FSTL4: variants seen among roughly 807,000 people sequenced by gnomAD.
FSTL4 encodes follistatin like 4.
A neutral mutation model predicts 78.2 loss-of-function variants in FSTL4; 28 were observed. That is an observed-to-expected ratio of 0.36 (90% CI 0.27 to 0.49). FSTL4 has a LOEUF of 0.49. Among genes scored for constraint, FSTL4 ranks in the 20% least tolerant of loss-of-function variants. The pLI is 0.98. For synonymous variants in FSTL4, 422 were observed against 440.5 expected (o/e 0.96, Z 0.53); for missense variants, 922 against 1,084.9 (o/e 0.85, Z 2.11).
intron 6 of FSTL4, among the ~76,000 whole-genome samples, chr5:133,304,711 A>T (rs1228105678): frequency 6.6e-6 from 1 of 152,210 alleles, no homozygotes; most frequent in Admixed American, 6.5e-5. Context: ...AACGATTGAG[A>T]TGGGAAAGGG....
At chr5:133,397,707 C>A (rs1756097348) in intron 4 of FSTL4, among the ~76,000 whole-genome samples, 1 of 152,198 alleles carries the variant, frequency 6.6e-6, no homozygotes, top group African/African-American at 2.4e-5. Flanking sequence ...CTTAGCCCAG[C>A]ACAACCCATC....
intron 6 of FSTL4, among the ~76,000 whole-genome samples, chr5:133,284,639 G>A (rs1038979845): frequency 2.6e-5 from 4 of 152,112 alleles, no homozygotes; most frequent in Non-Finnish European, 5.9e-5. Flanking sequence ...TTGGACACTC[G>A]CTCTTTTTCT....
chr5:133,831,257 G>C, the FSTL4 span, among the ~76,000 whole-genome samples: 3 of 152,182 alleles, frequency 2.0e-5, no homozygotes, highest in African/African-American at 7.2e-5. Flanking sequence ...CTCTCAAACA[G>C]CAAGGTGCAT....
intron 3 of FSTL4, among the ~76,000 whole-genome samples, chr5:133,404,587 T>G (rs1756311591): frequency 1.3e-5 from 2 of 152,204 alleles, no homozygotes; most frequent in Admixed American, 6.5e-5. Context: ...TACCAGTTGG[T>G]GCTGAAGACT....
In FSTL4 at chr5:133,199,514, C is replaced by T; in HGVS notation, c.2110G>A (p.Ala704Thr). ...TGCAGCCAGGGGCTGTCAGCTGCAG[C>T]ACTGACTATGAAGCGCCCGTCGGGG... is the stretch of plus-strand genomic sequence containing the variant. ...TSPDGRFIVS[A>T]AADSPWLHVQ... Residue 704 changes from alanine to threonine, a missense_variant, in exon 16 of 16, where the codon GCT becomes ACT. By Grantham distance (58) the Ala-to-Thr change is moderately conservative. Transcript: ENST00000265342. This position sits in a 1 kb window ranked among gnomAD's most constrained non-coding sequence, Gnocchi z 4.4. 6.2e-7 allele frequency: 1 copy of T among 1,614,204 alleles called. No individual in the cohort carries two copies. The highest frequency in any genetic ancestry group is 8.5e-7 in the Non-Finnish European group (1 of 1,180,008).
intron 4 of FSTL4, among the ~76,000 whole-genome samples, chr5:133,372,312 G>T (rs1755329263): frequency 7.0e-6 from 1 of 143,612 alleles, no homozygotes; most frequent in Admixed American, 7.0e-5. Context: ...TTGTCCTGTG[G>T]AATAAAGTTT....
the FSTL4 span, among the ~76,000 whole-genome samples, chr5:133,784,098 T>C: frequency 6.6e-6 from 1 of 152,136 alleles, no homozygotes; most frequent in Non-Finnish European, 1.5e-5. Flanking sequence ...AATGGGAGGA[T>C]ACGTACAGGG....
intron 3 of FSTL4, among the ~76,000 whole-genome samples, chr5:133,442,821 A>G (rs1384884915): frequency 1.3e-5 from 2 of 152,220 alleles, no homozygotes; most frequent in Non-Finnish European, 2.9e-5. Flanking sequence ...CAACTGACCC[A>G]ACACCATTAG....
chr5:133,556,855 T>C (rs1048152585), intron 3 of FSTL4, among the ~76,000 whole-genome samples: 1 of 152,182 alleles, frequency 6.6e-6, no homozygotes, highest in East Asian at 1.9e-4. Context: ...ACAAACATCA[T>C]CAAGGAAAGG....
At chr5:133,205,604 C>T (rs1245532502) in intron 14 of FSTL4, among the ~76,000 whole-genome samples, 1 of 152,188 alleles carries the variant, frequency 6.6e-6, no homozygotes, top group Non-Finnish European at 1.5e-5. Flanking sequence ...CATGTGGTTT[C>T]AATGCGCTTT....
chr5:133,543,662 T>C (rs1384240270), intron 3 of FSTL4, among the ~76,000 whole-genome samples: 3 of 152,158 alleles, frequency 2.0e-5, no homozygotes, highest in Non-Finnish European at 4.4e-5. Context: ...TTTTCAGCCT[T>C]TATCCTTGTA....
At chr5:133,788,598 G>A in the FSTL4 span, among the ~76,000 whole-genome samples, 1 of 152,208 alleles carries the variant, frequency 6.6e-6, no homozygotes, top group Non-Finnish European at 1.5e-5. Context: ...TCTCTGAGCA[G>A]AGGCCAAATA....
At chr5:133,274,380 C>CT (rs59634629) in intron 6 of FSTL4, among the ~76,000 whole-genome samples, 7 of 71,030 alleles carry the variant, frequency 9.9e-5, no homozygotes, top group African/African-American at 2.3e-4. Context: ...GCAATCTGTG[C>CT]TTTTTTTTTT....
chr5:133,379,864 C>A (rs1345010172), intron 4 of FSTL4, among the ~76,000 whole-genome samples: 2 of 152,068 alleles, frequency 1.3e-5, no homozygotes, highest in Admixed American at 1.3e-4. Flanking sequence ...ATCACAAGGT[C>A]AAGAGATCGA....
the FSTL4 span, among the ~76,000 whole-genome samples, chr5:133,703,470 A>C: frequency 6.6e-6 from 1 of 152,202 alleles, no homozygotes; most frequent in South Asian, 2.1e-4. Flanking sequence ...TGCCAAATGC[A>C]TACCCATCTG....
At chr5:133,353,209 A>G (rs1057033612) in intron 4 of FSTL4, among the ~76,000 whole-genome samples, 11 of 152,216 alleles carry the variant, frequency 7.2e-5, no homozygotes, top group Non-Finnish European at 1.5e-4. Flanking sequence ...CCACCCCTTC[A>G]ATAAAGACAG....
At chr5:133,770,152 T>C in the FSTL4 span, among the ~76,000 whole-genome samples, 4 of 152,146 alleles carry the variant, frequency 2.6e-5, no homozygotes, top group Non-Finnish European at 5.9e-5. Flanking sequence ...ACACTTAAGT[T>C]GATTCCATAT....
rs59400068 is a variant in FSTL4 at position 133,221,891 on chromosome 5, GTTTTTTTTTTTTTTTTTT to G, written c.1340-1043_1340-1026del. Among the ~76,000 whole-genome samples, 56 of 43,356 alleles carry G rather than the reference GTTTTTTTTTTTTTTTTTT, an allele frequency of 1.3e-3. No homozygotes were observed. In the South Asian group the frequency reaches 0.044, roughly 34 times the overall value. 28.4% of individuals were successfully genotyped at this position (43,356 alleles called of 152,430 possible). Reference sequence around the variant, plus strand: ...AATATGTAGAAAAATCTCTTTTCTAGTTTTTTTTTTTTTTTTTTTTTTTTTTTTTTTTTTTTAGCATGC... The same window carrying G: ...AATATGTAGAAAAATCTCTTTTCTAGTTTTTTTTTTTTTTTTTTAGCATGC... On this transcript the variant is annotated intron_variant, in intron 11 of 15. Transcript: ENST00000265342.
chr5:133,644,493 C>T, the FSTL4 span, among the ~76,000 whole-genome samples: 5 of 152,008 alleles, frequency 3.3e-5, no homozygotes, highest in African/African-American at 7.2e-5. Flanking sequence ...TCCCAGTGGC[C>T]GGGCCCCAGA....
Sources: gnomAD v4.1 joint callset for allele counts (sites outside exome capture counted in the v4.1 genomes callset) on GRCh38, gnomAD v4.1.1 for gene constraint, Gnocchi (gnomAD v3.1) non-coding constraint, MANE v1.5 for transcripts, NCBI Gene and HGNC (gene_info 2026-07-23, HGNC 2026-07-21) for gene names.